PLEKHG3: variants seen among roughly 807,000 people sequenced by gnomAD.
The protein encoded by PLEKHG3 is pleckstrin homology and RhoGEF domain containing G3.
A neutral mutation model predicts 94.9 loss-of-function variants in PLEKHG3; 62 were observed. That is an observed-to-expected ratio of 0.65 (90% CI 0.53 to 0.81). The LOEUF (loss-of-function observed/expected upper bound fraction) is 0.81, where lower values mean the gene tolerates loss of function less well. Ranked by LOEUF, PLEKHG3 falls within the 30% of genes least tolerant of loss-of-function variation. PLEKHG3 has a pLI of 0.00. For synonymous variants in PLEKHG3, 614 were observed against 654.0 expected, an observed-to-expected ratio of 0.94 and a Z score of 0.93; for missense variants, 1,461 against 1,619.3, an observed-to-expected ratio of 0.90 and a Z score of 1.68.
At position 64,731,144 on chromosome 14, in the gene PLEKHG3, G is replaced by A; in HGVS notation, c.824G>A (p.Arg275Lys). The part of the protein sequence containing the change: ...VAWYINDMKR[R>K]HEHAVRLQEI... ...TGGTACATCAACGACATGAAGAGGA[G>A]GCATGAGCACGCGGTCCGGCTCCAG... The change falls in exon 7 of 17, where the codon AGG becomes AAG. Residue 275 changes from arginine to lysine, a missense_variant. Around this residue, in one of 3 missense-constraint regions of PLEKHG3, gnomAD observed 1,201 missense variants for 1,295.5 expected, o/e 0.93. Transcript: ENST00000247226. The surrounding 1 kb of genome is among the most constrained non-coding windows in gnomAD (Gnocchi z 6.1). The A allele has an allele frequency of 6.2e-7, 1 of 1,613,428 alleles. No individual in the cohort carries two copies. The highest frequency in any genetic ancestry group is 8.5e-7 in the Non-Finnish European group (1 of 1,179,446).
chr14:64,745,695 T>C lies in PLEKHG3; in HGVS notation c.*1992T>C, dbSNP rs1336619412. Reference sequence around the variant, plus strand: ...AGGGGCTATCTCTGCCCTGCGCTGCTTCTGCTCAAGAGAGGTTGTCACTAG... The same window carrying C: ...AGGGGCTATCTCTGCCCTGCGCTGCCTCTGCTCAAGAGAGGTTGTCACTAG... On this transcript the variant is annotated 3_prime_UTR_variant, in exon 17 of 17. Transcript: ENST00000247226. This position sits in a 1 kb window ranked among gnomAD's most constrained non-coding sequence, Gnocchi z 5.0. 1 of 152,248 alleles carries C rather than the reference T, an allele frequency of 6.6e-6. No homozygotes were observed. Among genetic ancestry groups the C allele is most frequent in the African/African-American group, 2.4e-5 (1 of 41,472 alleles). 9.4% of individuals were successfully genotyped at this position (152,248 alleles called of 1,614,324 possible). A position where few individuals can be genotyped will look rare whatever the true frequency, so the allele number is the denominator to read the frequency against.
intron 12 of PLEKHG3, among the ~76,000 whole-genome samples, chr14:64,734,565 C>T (rs1322038501): frequency 6.6e-6 from 1 of 152,184 alleles, no homozygotes; most frequent in Non-Finnish European, 1.5e-5. Context: ...CTTTAGGTGT[C>T]CAAGGCACTC....
At chr14:64,740,958 G>A (rs2081673198) in intron 15 of PLEKHG3, 78 bp from the exon 16 acceptor site, 1 of 1,228,034 alleles carries the variant, frequency 8.1e-7, no homozygotes, top group Non-Finnish European at 1.1e-6. Context: ...GCCTTGAGCA[G>A]GCCATGCTGT....
chr14:64,736,823 C>T (rs201260110), intron 12 of PLEKHG3, 30 bp from the exon 13 acceptor site: 172 of 1,591,626 alleles, frequency 1.1e-4, no homozygotes, highest in African/African-American at 1.5e-4. Flanking sequence ...TCCTGGCCCG[C>T]GCTGACTCTG....
chr14:64,716,956 AGGCGTCTCT>A lies in PLEKHG3; in HGVS notation c.-39-10634_-39-10626del, dbSNP rs2081175656. 6.6e-6 allele frequency among the ~76,000 whole-genome samples: 1 copy of A among 152,110 alleles called. No individual in the cohort carries two copies. Among genetic ancestry groups the A allele is most frequent in the Non-Finnish European group, 1.5e-5 (1 of 68,016 alleles). ...CAGGAACTGGTTGGATGAGTTTCTT[AGGCGTCTCT>A]GGTGAGGCCCCTTAGTAGGGGAAGC... On this transcript the variant is annotated intron_variant, in intron 1 of 16. Transcript: ENST00000247226. The surrounding 1 kb of genome is among the most constrained non-coding windows in gnomAD (Gnocchi z 5.0).
chr14:64,734,722 CTTCCTTCT>C (rs1214558058), intron 12 of PLEKHG3, among the ~76,000 whole-genome samples: 3 of 139,772 alleles, frequency 2.1e-5, no homozygotes, highest in Non-Finnish European at 4.7e-5. Flanking sequence ...CCCTTCCTTC[CTTCCTTCT>C]TTCCTTCCTT....
Position 64,743,870 on chromosome 14 carries a change from C to T in PLEKHG3, c.*167C>T. 1 of 654,108 alleles carries T rather than the reference C, an allele frequency of 1.5e-6. No homozygotes were observed. Among genetic ancestry groups the T allele is most frequent in the Non-Finnish European group, 2.4e-6 (1 of 410,146 alleles). 40.5% of individuals were successfully genotyped at this position (654,108 alleles called of 1,614,324 possible). On this transcript the variant is annotated 3_prime_UTR_variant, in exon 17 of 17. Coordinates refer to ENST00000247226, the MANE Select transcript of PLEKHG3 (RefSeq NM_001308147.2). This position sits in a 1 kb window ranked among gnomAD's most constrained non-coding sequence, Gnocchi z 7.2. ...GGATGCTCCCGTGTGCAGGGGTCTC[C>T]TGCCTGTGCCATCCACTGGGGCTCG...
chr14:64,740,808 T>C (rs1017511682), intron 15 of PLEKHG3, among the ~76,000 whole-genome samples: 1 of 152,172 alleles, frequency 6.6e-6, no homozygotes, highest in Non-Finnish European at 1.5e-5. Flanking sequence ...TTTTCCTTGG[T>C]TTTGAGGACA....
intron 1 of PLEKHG3, among the ~76,000 whole-genome samples, chr14:64,710,110 G>T (rs924520221): frequency 2.0e-5 from 3 of 152,122 alleles, no homozygotes; most frequent in African/African-American, 7.2e-5. Flanking sequence ...ATGCAAGTTG[G>T]CCCCAAAGTG....
At chr14:64,707,377 T>C (rs1217476483) in intron 1 of PLEKHG3, among the ~76,000 whole-genome samples, 1 of 152,246 alleles carries the variant, frequency 6.6e-6, no homozygotes, top group Non-Finnish European at 1.5e-5. Context: ...CCAGTACTCA[T>C]GCCCCTTAGT....
rs1379869482 is a variant in PLEKHG3, at chr14:64,716,737, G to A, written c.-39-10856G>A. Among the ~76,000 whole-genome samples, 1 of 152,176 alleles carries A rather than the reference G, an allele frequency of 6.6e-6. No homozygotes were observed. Among genetic ancestry groups the A allele is most frequent in the Non-Finnish European group, 1.5e-5 (1 of 68,030 alleles). On this transcript the variant is annotated intron_variant, in intron 1 of 16. Transcript: ENST00000247226. The surrounding 1 kb of genome is among the most constrained non-coding windows in gnomAD (Gnocchi z 5.0). ...GGCACCCACCACTTCATAGTTCAGA[G>A]CAGCAGGAGTGTGGAGGTCGGGGCA...
At chr14:64,735,873 T>C (rs1158744091) in intron 12 of PLEKHG3, among the ~76,000 whole-genome samples, 1 of 152,288 alleles carries the variant, frequency 6.6e-6, no homozygotes, top group Non-Finnish European at 1.5e-5. Context: ...ATGTCTCACT[T>C]ATTAAATATT....
At position 64,731,184 on chromosome 14, in the gene PLEKHG3, G is replaced by A. The variant is rs1401920714; in HGVS notation, c.849+15G>A. 6.9e-6 allele frequency: 11 copies of A among 1,602,438 alleles called. No homozygotes were observed. Among genetic ancestry groups the A allele is most frequent in the Non-Finnish European group, 8.5e-6 (10 of 1,171,674 alleles). On this transcript the variant is annotated intron_variant, in intron 7 of 16. Coordinates refer to ENST00000247226, the MANE Select transcript of PLEKHG3 (RefSeq NM_001308147.2). This position sits in a 1 kb window ranked among gnomAD's most constrained non-coding sequence, Gnocchi z 6.1. ...TCCGGCTCCAGGTGCTCTGGGGCTG[G>A]GACGCTGGGGGAGGGGCAGGGCTGG...
At position 64,747,014 on chromosome 14, in the gene PLEKHG3, G is replaced by C. The variant is rs2081856342; in HGVS notation, c.*3311G>C. 1 of 152,788 alleles carries C rather than the reference G, an allele frequency of 6.5e-6. No homozygotes were observed. Among genetic ancestry groups the C allele is most frequent in the African/African-American group, 2.4e-5 (1 of 41,458 alleles). The allele number at this position is 152,788 out of a possible 1,614,324, so 9.5% of individuals were successfully genotyped here. The stretch of plus-strand genomic sequence containing the variant: ...TAGTTGGTCGAATGTCTTGGAGCCT[G>C]GGTGACAGGAGGGATGTGTGGGGAG... On this transcript the variant is annotated 3_prime_UTR_variant, in exon 17 of 17. Coordinates refer to ENST00000247226, the MANE Select transcript of PLEKHG3 (RefSeq NM_001308147.2).
In PLEKHG3 at chr14:64,721,798, C is replaced by G. The variant is rs2081266348; in HGVS notation, c.-39-5795C>G. ...GGGGTCCTCCCCTCCCCCAGGAGAGCCCCTAGGGTGCAGGGAGCAGTGGGA... is the reference window on the plus strand; with the variant it reads ...GGGGTCCTCCCCTCCCCCAGGAGAGGCCCTAGGGTGCAGGGAGCAGTGGGA... On this transcript the variant is annotated intron_variant, in intron 1 of 16. Transcript: ENST00000247226. The surrounding 1 kb of genome is among the most constrained non-coding windows in gnomAD (Gnocchi z 4.3). Among the ~76,000 whole-genome samples the G allele has an allele frequency of 6.6e-6, 1 of 152,130 alleles. No homozygotes were observed. The highest frequency in any genetic ancestry group is 2.4e-5 in the African/African-American group (1 of 41,440).
In PLEKHG3 at chr14:64,731,734, C is replaced by T. The variant is rs559911740; in HGVS notation, c.1053C>T (p.Ile351=). 9.9e-6 allele frequency: 16 copies of T among 1,613,054 alleles called. No individual in the cohort carries two copies. Among genetic ancestry groups the T allele is most frequent in the South Asian group, 8.8e-5 (8 of 91,060 alleles). Residue 351 remains isoleucine (I), a synonymous_variant, in exon 9 of 17, where the codon ATC becomes ATT. Coordinates refer to ENST00000247226, the MANE Select transcript of PLEKHG3 (RefSeq NM_001308147.2). The surrounding 1 kb of genome is among the most constrained non-coding windows in gnomAD (Gnocchi z 6.1). The stretch of plus-strand genomic sequence containing the variant: ...CCTAGTGCTCCTCCCTGATGCTGAT[C>T]GAAAGCACCAGAGACTCCCTGTGCT... The part of the protein sequence containing the change: ...GNIPCSSLML[I]ESTRDSLCFT...
At chr14:64,737,150 G>A (rs994070098) in intron 13 of PLEKHG3, 14 of 647,974 alleles carry the variant, frequency 2.2e-5, no homozygotes, top group Non-Finnish European at 3.7e-5. Context: ...ACAGACCTGC[G>A]CTGCTCTGTG....
rs945889340 is a variant in PLEKHG3 at position 64,716,132 on chromosome 14, G to A, written c.-40+11428G>A. ...GGGGCCAGGCCAGGGGATGGGAATG[G>A]GGTGGGATGGGGACTCTTTCAACTC... On this transcript the variant is annotated intron_variant, in intron 1 of 16. Coordinates refer to ENST00000247226, the MANE Select transcript of PLEKHG3 (RefSeq NM_001308147.2). The surrounding 1 kb of genome is among the most constrained non-coding windows in gnomAD (Gnocchi z 5.0). 2.2e-6 allele frequency: 1 copy of A among 448,312 alleles called. No homozygotes were observed. The highest frequency in any genetic ancestry group is 4.5e-6 in the Non-Finnish European group (1 of 222,046). The allele number at this position is 448,312 out of a possible 1,614,324, so 27.8% of individuals were successfully genotyped here. A position where few individuals can be genotyped will look rare whatever the true frequency, so the allele number is the denominator to read the frequency against.
intron 1 of PLEKHG3, among the ~76,000 whole-genome samples, chr14:64,707,963 G>A (rs1347089639): frequency 6.6e-6 from 1 of 152,242 alleles, no homozygotes; most frequent in South Asian, 2.1e-4. Flanking sequence ...AAAGACTATA[G>A]AGAGGTTCGA....
Sources: allele counts gnomAD v4.1 joint callset (sites outside exome capture counted in the v4.1 genomes callset), GRCh38; gene constraint gnomAD v4.1.1; regional missense constraint gnomAD v4.1.1; non-coding constraint Gnocchi (gnomAD v3.1); transcripts MANE v1.5; gene names NCBI Gene and HGNC (gene_info 2026-07-23, HGNC 2026-07-21).